The following TUSC3 variants were observed in gnomAD, a reference collection of about 807,000 sequenced individuals.
TUSC3 encodes dolichyl-diphosphooligosaccharide--protein glycosyltransferase subunit TUSC3.
Under a neutral mutation model 44.8 loss-of-function variants are expected in TUSC3, and 45 were observed. The ratio of observed to expected loss-of-function variants is 1.00; its 90% confidence interval spans 0.79 to 1.29. The LOEUF is 1.29. Among genes scored for constraint, TUSC3 ranks in the 50% most tolerant of loss-of-function variants. TUSC3 has a pLI of 0.00. For synonymous variants in TUSC3, 212 were observed against 152.9 expected (o/e 1.39, Z -2.85); for missense variants, 519 against 437.9 (o/e 1.19, Z -1.65).
At chr8:15,799,598 T>C in the TUSC3 span, among the ~76,000 whole-genome samples, 1 of 152,204 alleles carries the variant, frequency 6.6e-6, no homozygotes, top group Non-Finnish European at 1.5e-5. Flanking sequence ...CTATTTATTG[T>C]CCAGCTAACC....
At chr8:15,593,430 T>C (rs1474427070) in intron 1 of TUSC3, among the ~76,000 whole-genome samples, 1 of 152,222 alleles carries the variant, frequency 6.6e-6, no homozygotes, top group Non-Finnish European at 1.5e-5. Context: ...CTTACTAAAA[T>C]AATATGGCCT....
At position 15,520,451 on chromosome 8, in the gene TUSC3, G is replaced by C. The variant is rs555367066; in HGVS notation, n.189+36968G>C. ...AAACAGCTTAGTCCAGGGCTTAACA[G>C]GATTCTACAAATTGTTGGTCATGGT... is the stretch of plus-strand genomic sequence containing the variant. On this transcript the variant is annotated intron_variant and non_coding_transcript_variant, in intron 2 of 5. Coordinates refer to the TUSC3 transcript ENST00000503191. Among the ~76,000 whole-genome samples, 196 of 152,254 alleles carry C rather than the reference G, an allele frequency of 1.3e-3. 2 individuals carry two copies. In the South Asian group the frequency reaches 0.013, roughly 10 times the overall value.
At chr8:15,517,654 T>A (rs1801237857) in intron 2 of TUSC3, among the ~76,000 whole-genome samples, 1 of 151,544 alleles carries the variant, frequency 6.6e-6, no homozygotes, top group Admixed American at 6.6e-5. Context: ...AAAAGGAGAC[T>A]TGTCTTGTAT....
At chr8:15,791,498 T>C in the TUSC3 span, among the ~76,000 whole-genome samples, 1 of 152,142 alleles carries the variant, frequency 6.6e-6, no homozygotes, top group Non-Finnish European at 1.5e-5. Flanking sequence ...AATCATCTAA[T>C]CCAGTTTCTG....
chr8:15,761,607 G>T (rs548536215), intron 10 of TUSC3, among the ~76,000 whole-genome samples: 1 of 152,296 alleles, frequency 6.6e-6, no homozygotes, highest in South Asian at 2.1e-4. Flanking sequence ...CTATGCACAT[G>T]CAGACTACTA....
chr8:15,484,809 A>C (rs907976148), intron 2 of TUSC3, among the ~76,000 whole-genome samples: 3 of 152,246 alleles, frequency 2.0e-5, no homozygotes, highest in Non-Finnish European at 4.4e-5. Context: ...TGTTCATCCA[A>C]ATAGTAAAAA....
intron 6 of TUSC3, among the ~76,000 whole-genome samples, chr8:15,688,411 AAACT>A (rs1268382664): frequency 2.7e-5 from 4 of 149,072 alleles, no homozygotes; most frequent in African/African-American, 7.4e-5. Context: ...AAACATTCAA[AAACT>A]AACACTTCAG....
In TUSC3 at chr8:15,572,435, T is replaced by C. The variant is rs191091088; in HGVS notation, c.138+31867T>C. On this transcript the variant is annotated intron_variant, in intron 1 of 10. Coordinates refer to ENST00000503731, the MANE Select transcript of TUSC3 (RefSeq NM_006765.4). ...TTAGGCTTGGTTTAAGGGGATGTTG[T>C]TACTGATTTGATCTATCCAAACTAT... 8.5e-5 allele frequency among the ~76,000 whole-genome samples: 13 copies of C among 152,320 alleles called. No homozygotes were observed. In the East Asian group the frequency reaches 2.5e-3, roughly 29 times the overall value.
chr8:15,828,932 T>C, the TUSC3 span, among the ~76,000 whole-genome samples: 359 of 152,246 alleles, frequency 2.4e-3, no homozygotes, highest in Non-Finnish European at 4.1e-3. Flanking sequence ...CATGAATCCA[T>C]TAAATATTTA....
the TUSC3 span, among the ~76,000 whole-genome samples, chr8:15,802,838 T>C: frequency 1.3e-5 from 2 of 151,926 alleles, no homozygotes; most frequent in African/African-American, 4.8e-5. Context: ...TGGCTAAATG[T>C]AGCAGAAAAT....
At chr8:15,774,063 CTT>C in the TUSC3 span, among the ~76,000 whole-genome samples, 1 of 152,040 alleles carries the variant, frequency 6.6e-6, no homozygotes, top group Admixed American at 6.6e-5. Context: ...AAATTAAAAA[CTT>C]TTGTGCATTA....
intron 1 of TUSC3, among the ~76,000 whole-genome samples, chr8:15,468,866 C>A (rs375651773): frequency 1.3e-5 from 2 of 151,054 alleles, no homozygotes; most frequent in Non-Finnish European, 2.9e-5. Flanking sequence ...AAATATTTTC[C>A]ATGAGACTCT....
intron 3 of TUSC3, among the ~76,000 whole-genome samples, chr8:15,658,606 G>C (rs1807274945): frequency 6.7e-6 from 1 of 149,762 alleles, no homozygotes; most frequent in Non-Finnish European, 1.5e-5. Flanking sequence ...CTGGGCAACA[G>C]AAATTTAATT....
intron 1 of TUSC3, among the ~76,000 whole-genome samples, chr8:15,616,120 G>T (rs995378996): frequency 1.3e-5 from 2 of 151,998 alleles, no homozygotes; most frequent in African/African-American, 4.8e-5. Context: ...AATTTAGTGT[G>T]GTATAGGAAT....
At chr8:15,633,731 A>G (rs1471787813) in intron 2 of TUSC3, among the ~76,000 whole-genome samples, 2 of 152,316 alleles carry the variant, frequency 1.3e-5, no homozygotes, top group South Asian at 4.1e-4. Flanking sequence ...AGCTAGGAAG[A>G]GGCAAGGAAA....
chr8:15,711,729 A>C (rs1437351769), intron 6 of TUSC3, among the ~76,000 whole-genome samples: 3 of 151,750 alleles, frequency 2.0e-5, no homozygotes, highest in African/African-American at 7.2e-5. Flanking sequence ...TAGTATCTTG[A>C]TTGTTTATAT....
chr8:15,807,025 C>T, the TUSC3 span: 4 of 1,430,394 alleles, frequency 2.8e-6, no homozygotes, highest in Non-Finnish European at 3.9e-6. Context: ...TCCTGCAGAC[C>T]CTGTAAATCC....
chr8:15,509,838 A>G (rs576526410), intron 2 of TUSC3, among the ~76,000 whole-genome samples: 85 of 152,196 alleles, frequency 5.6e-4, no homozygotes, highest in Non-Finnish European at 8.8e-4. Context: ...GTTTTCTTGC[A>G]TATTAGTTGA....
At chr8:15,782,477 T>G in the TUSC3 span, among the ~76,000 whole-genome samples, 1 of 152,124 alleles carries the variant, frequency 6.6e-6, no homozygotes, top group Non-Finnish European at 1.5e-5. Context: ...AGACCCTGTC[T>G]CAAGAATAAA....
Sources: gnomAD v4.1 joint callset for allele counts (sites outside exome capture counted in the v4.1 genomes callset) on GRCh38, gnomAD v4.1.1 for gene constraint, MANE v1.5 for transcripts, NCBI Gene and HGNC (gene_info 2026-07-23, HGNC 2026-07-21) for gene names.